The following CSMD1 variants were observed in gnomAD, a reference collection of about 807,000 sequenced individuals.
The protein encoded by CSMD1 is CUB and sushi domain-containing protein 1.
Under a neutral mutation model 417.5 loss-of-function variants are expected in CSMD1, and 213 were observed. The observed-to-expected ratio is 0.51, with a 90% CI of 0.46 to 0.57. The LOEUF is 0.57. Among genes scored for constraint, CSMD1 ranks in the 20% least tolerant of loss-of-function variants. CSMD1 has a pLI of 0.00. For missense variants in CSMD1, 6,923 were observed against 4,529.7 expected, an observed-to-expected ratio of 1.53 and a Z score of -15.17; for synonymous variants, 2,862 against 1,736.8, an observed-to-expected ratio of 1.65 and a Z score of -16.11.
intron 1 of CSMD1, among the ~76,000 whole-genome samples, chr8:4,972,759 A>G (rs1163052928): frequency 6.6e-6 from 1 of 152,198 alleles, no homozygotes; most frequent in East Asian, 1.9e-4. Flanking sequence ...CACATTTTCC[A>G]GCTATCTAAA....
chr8:4,662,154 G>C (rs1312843959), intron 1 of CSMD1, among the ~76,000 whole-genome samples: 1 of 151,990 alleles, frequency 6.6e-6, no homozygotes. Context: ...AAATTTCAAA[G>C]GAAATGAAAA....
chr8:4,379,967 A>T (rs1045342088), intron 3 of CSMD1, among the ~76,000 whole-genome samples: 1 of 152,242 alleles, frequency 6.6e-6, no homozygotes, highest in Non-Finnish European at 1.5e-5. Context: ...GCCACTTTGT[A>T]GAAAACACAT....
At chr8:3,226,894 A>G (rs1337973317) in intron 27 of CSMD1, among the ~76,000 whole-genome samples, 1 of 152,134 alleles carries the variant, frequency 6.6e-6, no homozygotes, top group African/African-American at 2.4e-5. Context: ...AAATTAGCTG[A>G]TCAATCAGGA....
At chr8:4,363,538 C>G (rs1166815572) in intron 3 of CSMD1, among the ~76,000 whole-genome samples, 2 of 152,182 alleles carry the variant, frequency 1.3e-5, no homozygotes, top group African/African-American at 2.4e-5. Context: ...AGAGCAATAA[C>G]TCCCTCCCTA....
intron 1 of CSMD1, among the ~76,000 whole-genome samples, chr8:4,747,685 G>A (rs1233216150): frequency 6.6e-6 from 1 of 152,050 alleles, no homozygotes; most frequent in East Asian, 1.9e-4. Context: ...TGTGGCACAA[G>A]GCTTTTCCAC....
intron 7 of CSMD1, among the ~76,000 whole-genome samples, chr8:3,690,694 CA>C (rs1800190370): frequency 6.6e-6 from 1 of 152,110 alleles, no homozygotes; most frequent in African/African-American, 2.4e-5. Context: ...CTGAGAAGTA[CA>C]TAAAGCGCAT....
At chr8:4,884,548 T>C (rs1181733351) in intron 1 of CSMD1, among the ~76,000 whole-genome samples, 2 of 152,076 alleles carry the variant, frequency 1.3e-5, no homozygotes, top group African/African-American at 2.4e-5. Flanking sequence ...TTAATTTTTG[T>C]ATATTGAGAT....
intron 51 of CSMD1, 83 bp from the exon 52 acceptor site, chr8:3,018,733 A>G (rs1809089321): frequency 7.9e-7 from 1 of 1,261,626 alleles, no homozygotes; most frequent in Non-Finnish European, 1.1e-6. Flanking sequence ...AAAAACAAAC[A>G]AAAAAAACCA....
intron 5 of CSMD1, among the ~76,000 whole-genome samples, chr8:3,913,312 C>T (rs188297191): frequency 6.6e-5 from 10 of 152,134 alleles, no homozygotes; most frequent in East Asian, 1.9e-4. Flanking sequence ...GGACCATCGA[C>T]CTGCTCAGGA....
chr8:3,390,970 G>A (rs974484775), intron 17 of CSMD1, among the ~76,000 whole-genome samples: 2 of 152,036 alleles, frequency 1.3e-5, no homozygotes, highest in Admixed American at 1.3e-4. Flanking sequence ...AAGCAAACTG[G>A]CCATGTTACA....
Position 3,974,609 on chromosome 8 carries a change from A to C in CSMD1, c.818+23294T>G, listed in dbSNP as rs148097517. 2.5e-3 allele frequency among the ~76,000 whole-genome samples: 381 copies of C among 152,144 alleles called. 2 individuals are homozygous for C. Among genetic ancestry groups the C allele is most frequent in the African/African-American group, 8.1e-3 (338 of 41,572 alleles). On this transcript the variant is annotated intron_variant, in intron 5 of 69. Coordinates refer to ENST00000635120, the MANE Select transcript of CSMD1 (RefSeq NM_033225.6). ...TTTTCTAATAACAACCCTTGTTTTT[A>C]CTAAACATTCAGTAATTATTAGATG...
At chr8:3,573,575 G>C (rs1405870031) in intron 10 of CSMD1, among the ~76,000 whole-genome samples, 1 of 152,094 alleles carries the variant, frequency 6.6e-6, no homozygotes, top group Non-Finnish European at 1.5e-5. Flanking sequence ...TAATAACTGA[G>C]ATTTTAGAAC....
At chr8:4,226,029 C>T (rs982901344) in intron 3 of CSMD1, among the ~76,000 whole-genome samples, 2 of 150,918 alleles carry the variant, frequency 1.3e-5, no homozygotes, top group African/African-American at 4.9e-5. Context: ...TTTAGTTTTA[C>T]CTACTCAAGT....
intron 3 of CSMD1, among the ~76,000 whole-genome samples, chr8:4,159,360 T>A (rs140841930): frequency 1.9e-3 from 282 of 152,314 alleles, no homozygotes; most frequent in African/African-American, 6.6e-3. Flanking sequence ...TTTTTATTTG[T>A]GATTCAGTAA....
intron 3 of CSMD1, among the ~76,000 whole-genome samples, chr8:4,174,361 G>C (rs962141667): frequency 6.6e-6 from 1 of 152,086 alleles, no homozygotes; most frequent in Non-Finnish European, 1.5e-5. Flanking sequence ...CAGTCTCTGA[G>C]AGAGCAAGTC....
chr8:3,031,647 C>G (rs1810347971), intron 50 of CSMD1, among the ~76,000 whole-genome samples: 1 of 151,964 alleles, frequency 6.6e-6, no homozygotes, highest in African/African-American at 2.4e-5. Flanking sequence ...GATCCTCATG[C>G]TCAGCCTCCC....
At chr8:3,300,115 A>G (rs141920358) in intron 25 of CSMD1, among the ~76,000 whole-genome samples, 1 of 152,354 alleles carries the variant, frequency 6.6e-6, no homozygotes, top group Non-Finnish European at 1.5e-5. Context: ...CAGGCAATGG[A>G]ATACTATCCG....
chr8:4,640,279 T>G (rs1433574850), intron 1 of CSMD1, among the ~76,000 whole-genome samples: 1 of 152,198 alleles, frequency 6.6e-6, no homozygotes, highest in Non-Finnish European at 1.5e-5. Context: ...AGAATGAATA[T>G]CATCGTTGGC....
rs776225576 is a variant in CSMD1, at chr8:3,052,633, T to C, written c.7489A>G (p.Ile2497Val). Reference protein sequence around the residue: ...TPLCQAVSCGIPESPGNGSFT... With the variant: ...TPLCQAVSCGVPESPGNGSFT... The stretch of plus-strand genomic sequence containing the variant: ...GAACCGTTTCCTGGGGATTCTGGGA[T>C]TCCACAGGACACAGCTGAAAAGAAA... The change falls in exon 50 of 70, where the codon ATC becomes GTC. Residue 2497 changes from isoleucine (I) to valine (V), a missense_variant. Transcript: ENST00000635120. 5 of 1,609,586 alleles carry C rather than the reference T, an allele frequency of 3.1e-6. No individual in the cohort carries two copies. Among genetic ancestry groups the C allele is most frequent in the Non-Finnish European group, 3.4e-6 (4 of 1,177,952 alleles).
Sources: allele counts gnomAD v4.1 joint callset (sites outside exome capture counted in the v4.1 genomes callset), GRCh38; gene constraint gnomAD v4.1.1; transcripts MANE v1.5; gene names NCBI Gene and HGNC (gene_info 2026-07-23, HGNC 2026-07-21).